Variants in ATR observed in about 807,000 individuals in gnomAD.
The protein encoded by ATR is serine/threonine-protein kinase ATR.
Under a neutral mutation model 305.3 loss-of-function variants are expected in ATR, and 142 were observed. The ratio of observed to expected loss-of-function variants is 0.47; its 90% confidence interval spans 0.41 to 0.53. ATR has a LOEUF of 0.53. ATR is among the 20% of genes least tolerant of loss of function. The pLI, the probability that ATR is intolerant of heterozygous loss-of-function variation, is 0.00. For missense variants in ATR, 2,135 were observed against 3,133.1 expected (o/e 0.68, Z 7.60); for synonymous variants, 1,050 against 1,068.1 (o/e 0.98, Z 0.33).
chr3:142,460,694 T>C (rs1209814601), intron 42 of ATR, among the ~76,000 whole-genome samples: 2 of 152,178 alleles, frequency 1.3e-5, no homozygotes, highest in Admixed American at 1.3e-4. Flanking sequence ...ACCATACAAA[T>C]TATGTATGAA....
In ATR at chr3:142,449,357, A is replaced by C. The variant is rs750327573; in HGVS notation, c.*72T>G. The stretch of plus-strand genomic sequence containing the variant: ...TTTATGTTGTACTTTAGAATTGAAC[A>C]GATACAACCACAGATTCATACCAAA... On this transcript the variant is annotated 3_prime_UTR_variant, in exon 47 of 47. Coordinates refer to ENST00000350721, the MANE Select transcript of ATR (RefSeq NM_001184.4). The C allele has an allele frequency of 7.2e-4, 1,019 of 1,417,200 alleles. 2 individuals are homozygous for C. The highest frequency in any genetic ancestry group is 9.3e-4 in the Non-Finnish European group (938 of 1,006,486). 87.8% of individuals were successfully genotyped at this position (1,417,200 alleles called of 1,614,324 possible).
chr3:142,568,035 T>C (rs1301181166), intron 2 of ATR, 28 bp downstream of exon 2: 2 of 1,518,928 alleles, frequency 1.3e-6, no homozygotes, highest in African/African-American at 2.8e-5. Context: ...ATTTATAAAG[T>C]TTATATAAGA....
intron 19 of ATR, among the ~76,000 whole-genome samples, chr3:142,537,805 CA>C (rs2033911857): frequency 6.6e-6 from 1 of 152,066 alleles, no homozygotes; most frequent in Admixed American, 6.6e-5. Flanking sequence ...ATCAAAAATA[CA>C]AATGGGAAAG....
chr3:142,496,704 T>C (rs2108334441), intron 33 of ATR, among the ~76,000 whole-genome samples, 184 bp from the exon 34 acceptor site: 2 of 152,270 alleles, frequency 1.3e-5, no homozygotes, highest in Admixed American at 1.3e-4. Context: ...TTAATTTGTT[T>C]AAAAAGCCTT....
At chr3:142,484,896 A>G (rs1322464933) in intron 36 of ATR, among the ~76,000 whole-genome samples, 2 of 152,200 alleles carry the variant, frequency 1.3e-5, no homozygotes, top group Non-Finnish European at 2.9e-5. Context: ...GTGAGAGCAG[A>G]GGAATAACAT....
At position 142,562,672 on chromosome 3, in the gene ATR, T is replaced by G; in HGVS notation, c.730A>C (p.Ile244Leu). 1 of 1,614,094 alleles carries G rather than the reference T, an allele frequency of 6.2e-7. No homozygotes were observed. Among genetic ancestry groups the G allele is most frequent in the Non-Finnish European group, 8.5e-7 (1 of 1,179,986 alleles). ...AAAAAGCTAATTGCTAGGGATTTAA[T>G]TTTTGGACTACCATACTCTAGCAGA... Reference protein sequence around the residue: ...CVLLEYGSPKIKSLAISFLTE... With the variant: ...CVLLEYGSPKLKSLAISFLTE... The change falls in exon 4 of 47, where the codon ATT becomes CTT. Residue 244 changes from isoleucine (I) to leucine (L), a missense_variant. By Grantham distance (5) the Ile-to-Leu change is conservative. Coordinates refer to ENST00000350721, the MANE Select transcript of ATR (RefSeq NM_001184.4).
intron 35 of ATR, among the ~76,000 whole-genome samples, 178 bp from the exon 36 acceptor site, chr3:142,485,460 C>T (rs2030854787): frequency 6.6e-6 from 1 of 152,170 alleles, no homozygotes; most frequent in Non-Finnish European, 1.5e-5. Flanking sequence ...TAAAGGTTTT[C>T]TCAGGAGGGC....
intron 39 of ATR, 114 bp from the exon 40 acceptor site, chr3:142,466,647 A>C: frequency 1.0e-6 from 1 of 979,830 alleles, no homozygotes; most frequent in Non-Finnish European, 1.5e-6. Context: ...TGGTTTTCTA[A>C]GTATTTCCTA....
intron 25 of ATR, among the ~76,000 whole-genome samples, chr3:142,514,487 A>G (rs190609435): frequency 4.7e-4 from 71 of 151,572 alleles, no homozygotes; most frequent in African/African-American, 1.5e-3. Context: ...CAAAAAAATT[A>G]GCCGGGCGTG....
At position 142,561,290 on chromosome 3, in the gene ATR, G is replaced by C. The variant is rs2034869061; in HGVS notation, c.1302C>G (p.Leu434=). ...SDGISPKRRR[L]SSSLNPSKRA... ...TTTTAGAAGGGTTTAGAGACGAGCT[G>C]AGACGACGCCTTTTGGGTGATATTC... The change falls in exon 5 of 47, where the codon CTC becomes CTG. Residue 434 remains leucine, a synonymous_variant. Transcript: ENST00000350721. 1 of 1,614,004 alleles carries C rather than the reference G, an allele frequency of 6.2e-7. No homozygotes were observed. Among genetic ancestry groups the C allele is most frequent in the Admixed American group, 1.7e-5 (1 of 60,004 alleles).
intron 35 of ATR, among the ~76,000 whole-genome samples, chr3:142,485,891 C>A (rs1451158674): frequency 6.6e-6 from 1 of 152,200 alleles, no homozygotes; most frequent in East Asian, 1.9e-4. Flanking sequence ...CTTCACCACT[C>A]CACTAAGGAG....
At chr3:142,576,550 T>C (rs1167694345) in intron 1 of ATR, among the ~76,000 whole-genome samples, 1 of 152,212 alleles carries the variant, frequency 6.6e-6, no homozygotes, top group Admixed American at 6.5e-5. Flanking sequence ...TGCCATGTAC[T>C]GAGATATCTC....
In ATR at chr3:142,549,575, A is replaced by G; in HGVS notation, c.3075T>C (p.Arg1025=). The G allele has an allele frequency of 8.1e-6, 13 of 1,612,652 alleles. No homozygotes were observed. Among genetic ancestry groups the G allele is most frequent in the Non-Finnish European group, 1.1e-5 (13 of 1,178,998 alleles). ...TGAAGTTGTTTATTAAAATCTCTCT[A>G]CGATTGACATTTAATTGTTTTCCTA... ...RTLGKQLNVN[R]REILINNFKY... The change falls in exon 15 of 47, where the codon CGT becomes CGC. Residue 1025 remains arginine (R), a synonymous_variant. Transcript: ENST00000350721.
chr3:142,570,448 G>A (rs1183629388), intron 1 of ATR, among the ~76,000 whole-genome samples: 3 of 152,034 alleles, frequency 2.0e-5, no homozygotes, highest in Non-Finnish European at 4.4e-5. Context: ...GTGCAATGGC[G>A]CGATCTCAGC....
intron 16 of ATR, among the ~76,000 whole-genome samples, chr3:142,546,235 AC>A (rs554398363): frequency 6.6e-6 from 1 of 150,630 alleles, no homozygotes; most frequent in Non-Finnish European, 1.5e-5. Flanking sequence ...CAATGAGAGG[AC>A]CCCCCTCATG....
intron 8 of ATR, among the ~76,000 whole-genome samples, chr3:142,558,264 T>A (rs1400103360): frequency 6.6e-6 from 1 of 152,046 alleles, no homozygotes; most frequent in African/African-American, 2.4e-5. Flanking sequence ...GGCTCACGCC[T>A]GTAATCCTAG....
rs1244019204 is a variant in ATR at position 142,503,570 on chromosome 3, T to TTTA, written c.5197-120_5197-118dup. On this transcript the variant is annotated intron_variant, in intron 29 of 46. Transcript: ENST00000350721. ...CTATTTACCTTATTGCCCTTATTTT[T>TTTA]TTATTATTATTATTATTTTAATTTT... 491 of 472,916 alleles carry TTTA rather than the reference T, an allele frequency of 1.0e-3. 3 individuals carry two copies. In the Middle Eastern group the frequency reaches 0.016, roughly 15 times the overall value. 29.3% of individuals were successfully genotyped at this position (472,916 alleles called of 1,614,324 possible).
Position 142,469,529 on chromosome 3 carries a change from A to G in ATR, c.6360T>C (p.Gly2120=). 1 of 1,613,904 alleles carries G rather than the reference A, an allele frequency of 6.2e-7. No individual in the cohort carries two copies. Among genetic ancestry groups the G allele is most frequent in the African/African-American group, 1.3e-5 (1 of 75,050 alleles). ...SDRVQMRNDL[G]KINKVITEHT... Reference sequence around the variant, plus strand: ...GCTCTGTGATAACCTTGTTTATTTTACCCAAATCATTCCTCATTTGTACAC... The same window carrying G: ...GCTCTGTGATAACCTTGTTTATTTTGCCCAAATCATTCCTCATTTGTACAC... The change falls in exon 38 of 47, where the codon GGT becomes GGC. Residue 2120 remains glycine (G), a synonymous_variant. Coordinates refer to ENST00000350721, the MANE Select transcript of ATR (RefSeq NM_001184.4).
intron 21 of ATR, among the ~76,000 whole-genome samples, chr3:142,526,944 A>G (rs933136072): frequency 1.8e-4 from 27 of 151,950 alleles, no homozygotes; most frequent in African/African-American, 6.3e-4. Context: ...ATGTGCCACC[A>G]TGCCTGGCTA....
Sources: gnomAD v4.1 joint callset for allele counts (sites outside exome capture counted in the v4.1 genomes callset) on GRCh38, gnomAD v4.1.1 for gene constraint, MANE v1.5 for transcripts, NCBI Gene and HGNC (gene_info 2026-07-23, HGNC 2026-07-21) for gene names.